The following EPC2 variants were observed in gnomAD, a reference collection of about 807,000 sequenced individuals.
EPC2 encodes the protein enhancer of polycomb 2.
Under a neutral mutation model 92.1 loss-of-function variants are expected in EPC2, and 14 were observed. The observed-to-expected ratio is 0.15, with a 90% CI of 0.10 to 0.24. The LOEUF (loss-of-function observed/expected upper bound fraction) is 0.24, where lower values mean the gene tolerates loss of function less well. Ranked by LOEUF, EPC2 falls within the 10% of genes least tolerant of loss-of-function variation. EPC2 has a pLI of 1.00. For missense variants in EPC2, 755 were observed against 971.5 expected, an observed-to-expected ratio of 0.78 and a Z score of 2.96; for synonymous variants, 340 against 334.7, an observed-to-expected ratio of 1.02 and a Z score of -0.17.
intron 2 of EPC2, among the ~76,000 whole-genome samples, chr2:148,705,299 A>T (rs1299070485): frequency 2.9e-5 from 3 of 102,496 alleles, no homozygotes; most frequent in South Asian, 1.0e-3. Flanking sequence ...TATCATTTTA[A>T]AAAAAAAACT....
At chr2:148,729,022 A>C (rs1682561690) in intron 2 of EPC2, among the ~76,000 whole-genome samples, 1 of 107,592 alleles carries the variant, frequency 9.3e-6, no homozygotes, top group East Asian at 2.5e-4. Context: ...ACAGAGCGAA[A>C]CTCCATCTCA....
At chr2:148,647,129 GA>G (rs1043227440) in intron 1 of EPC2, among the ~76,000 whole-genome samples, 22 of 152,142 alleles carry the variant, frequency 1.4e-4, no homozygotes, top group African/African-American at 5.1e-4. Context: ...CAAAAAAAAG[GA>G]AATCTGTTCT....
Position 148,773,101 on chromosome 2 carries a change from C to T in EPC2, c.1720+1714C>T, listed in dbSNP as rs186627382. On this transcript the variant is annotated intron_variant, in intron 10 of 13. Transcript: ENST00000258484. ...CAGATTAACTCTAGATTTAACTTGA[C>T]TTTTTTCCAGAAAGTGTATATATGT... Among the ~76,000 whole-genome samples, 18 of 152,092 alleles carry T rather than the reference C, an allele frequency of 1.2e-4. 1 individual carries two copies. Among genetic ancestry groups the T allele is most frequent in the Admixed American group, 9.8e-4 (15 of 15,278 alleles).
At position 148,743,631 on chromosome 2, in the gene EPC2, T is replaced by C. The variant is rs757264009; in HGVS notation, c.323T>C (p.Leu108Pro). The change falls in exon 3 of 14, where the codon CTA (leucine) becomes CCA (proline). Residue 108 changes from leucine to proline, a missense_variant. By Grantham distance (98) the Leu-to-Pro change is moderately conservative (BLOSUM62 -3). Transcript: ENST00000258484. ...TTTCTTTCTTTTCTAGCTTTTAATCTAGACAACGAGCAACCAGATTATGAT... is the reference window on the plus strand; with the variant it reads ...TTTCTTTCTTTTCTAGCTTTTAATCCAGACAACGAGCAACCAGATTATGAT... ...KQFIHIQPFNLDNEQPDYDMD... is the reference protein window; with the variant it reads ...KQFIHIQPFNPDNEQPDYDMD... 2 of 1,568,370 alleles carry C rather than the reference T, an allele frequency of 1.3e-6. No homozygotes were observed. The highest frequency in any genetic ancestry group is 1.7e-6 in the Non-Finnish European group (2 of 1,163,666).
chr2:148,666,434 GCAC>G (rs1404537410), intron 1 of EPC2, among the ~76,000 whole-genome samples: 1 of 152,182 alleles, frequency 6.6e-6, no homozygotes, highest in African/African-American at 2.4e-5. Context: ...ATGGGCCACT[GCAC>G]CAGGCCAGAG....
rs189332039 is a variant in EPC2 at position 148,645,035 on chromosome 2, C to T, written c.18C>T (p.Phe6=). 1.2e-3 allele frequency: 1,804 copies of T among 1,551,198 alleles called. 21 individuals are homozygous for T. The African/African-American group carries it at 0.022, about 19-fold the overall frequency. Residue 6 remains phenylalanine, a synonymous_variant, in exon 1 of 14, where the codon TTC becomes TTT. Coordinates refer to ENST00000258484, the MANE Select transcript of EPC2 (RefSeq NM_015630.4). ...GGGAGACAATGAGTAAACTCTCCTT[C>T]CGAGCGCGGGCGCTGGACGCCGCCA... MSKLS[F]RARALDAAKP...
chr2:148,753,686 G>A (rs1316663804), intron 3 of EPC2, among the ~76,000 whole-genome samples: 1 of 152,042 alleles, frequency 6.6e-6, no homozygotes, highest in Non-Finnish European at 1.5e-5. Context: ...CATTGATCCA[G>A]CCTTCTTAAA....
In EPC2 at chr2:148,679,037, C is replaced by T. The variant is rs573387567; in HGVS notation, c.154-11177C>T. 4.6e-5 allele frequency among the ~76,000 whole-genome samples: 7 copies of T among 152,256 alleles called. No homozygotes were observed. In the South Asian group the frequency reaches 8.3e-4, roughly 18 times the overall value. Reference sequence around the variant, plus strand: ...GCACCCCAGCCTGGGTGACAGAGTGCGACCCTGTCACTAAAACAAAATAAT... The same window carrying T: ...GCACCCCAGCCTGGGTGACAGAGTGTGACCCTGTCACTAAAACAAAATAAT... On this transcript the variant is annotated intron_variant, in intron 1 of 13. Coordinates refer to ENST00000258484, the MANE Select transcript of EPC2 (RefSeq NM_015630.4).
chr2:148,690,124 G>GT, intron 1 of EPC2, 90 bp from the exon 2 acceptor site: 1 of 1,242,342 alleles, frequency 8.0e-7, no homozygotes, highest in Admixed American at 3.1e-5. Flanking sequence ...AAAGCACTTT[G>GT]TGATTATTAA....
rs202042558 is a variant in EPC2, at chr2:148,713,413, G to C, written c.313+23040G>C. On this transcript the variant is annotated intron_variant, in intron 2 of 13. Coordinates refer to ENST00000258484, the MANE Select transcript of EPC2 (RefSeq NM_015630.4). ...TTTACAGAAAATATTTTGTACAGCT[G>C]TATACTGTTTTAGCTGTGGTGTTAC... 6.6e-5 allele frequency among the ~76,000 whole-genome samples: 10 copies of C among 152,292 alleles called. No individual in the cohort carries two copies. In the East Asian group the frequency reaches 1.7e-3, roughly 26 times the overall value.
At chr2:148,693,140 T>A (rs1056407637) in intron 2 of EPC2, among the ~76,000 whole-genome samples, 2 of 152,140 alleles carry the variant, frequency 1.3e-5, no homozygotes, top group Non-Finnish European at 2.9e-5. Context: ...CAAGGAAGGT[T>A]AAAAAAAATT....
chr2:148,659,739 A>G (rs897166626), intron 1 of EPC2, among the ~76,000 whole-genome samples: 1 of 152,138 alleles, frequency 6.6e-6, no homozygotes, highest in African/African-American at 2.4e-5. Flanking sequence ...AAAAAAATCT[A>G]GATACCATTT....
intron 1 of EPC2, among the ~76,000 whole-genome samples, chr2:148,661,080 T>C (rs2105354890): frequency 1.3e-5 from 2 of 152,262 alleles, no homozygotes; most frequent in East Asian, 3.9e-4. Flanking sequence ...AACTTTATCA[T>C]TGTTTTGTCT....
chr2:148,691,971 G>T, intron 2 of EPC2: 5 of 367,370 alleles, frequency 1.4e-5, no homozygotes, highest in Non-Finnish European at 2.1e-5. Flanking sequence ...TCTTTTAATT[G>T]ATGGCAGTTT....
chr2:148,657,235 T>C (rs1680821684), intron 1 of EPC2, among the ~76,000 whole-genome samples: 1 of 152,160 alleles, frequency 6.6e-6, no homozygotes, highest in African/African-American at 2.4e-5. Context: ...TAGATTTTAC[T>C]TAATTTTGGC....
intron 2 of EPC2, among the ~76,000 whole-genome samples, chr2:148,710,673 A>G (rs540325757): frequency 7.0e-6 from 1 of 142,322 alleles, no homozygotes; most frequent in East Asian, 2.7e-4. Context: ...AGCCATAAAA[A>G]ATAATGAGTT....
chr2:148,699,045 G>C (rs1681820462), intron 2 of EPC2, among the ~76,000 whole-genome samples: 1 of 151,854 alleles, frequency 6.6e-6, no homozygotes, highest in African/African-American at 2.4e-5. Context: ...GAAGGTTTTT[G>C]TTTCTACCTT....
chr2:148,715,342 G>T (rs71413631), intron 2 of EPC2, among the ~76,000 whole-genome samples: 1 of 151,990 alleles, frequency 6.6e-6, no homozygotes, highest in South Asian at 2.1e-4. Context: ...CTCTTCTAGC[G>T]TTTTTATAGT....
chr2:148,712,897 A>G (rs1334234708), intron 2 of EPC2, among the ~76,000 whole-genome samples: 2 of 151,864 alleles, frequency 1.3e-5, no homozygotes, highest in Admixed American at 1.3e-4. Context: ...AGGAAAAGCA[A>G]AAGTATAGCA....
Sources: gnomAD v4.1 joint callset for allele counts (sites outside exome capture counted in the v4.1 genomes callset) on GRCh38, gnomAD v4.1.1 for gene constraint, MANE v1.5 for transcripts, NCBI Gene and HGNC (gene_info 2026-07-23, HGNC 2026-07-21) for gene names.